INTS1: variants seen among roughly 807,000 people sequenced by gnomAD.
The protein encoded by INTS1 is integrator complex subunit 1.
INTS1 carries 137 observed loss-of-function variants against 241.6 expected under a neutral mutation model. That is an observed-to-expected ratio of 0.57 (90% CI 0.49 to 0.65). The LOEUF (loss-of-function observed/expected upper bound fraction) is 0.65, where lower values mean the gene tolerates loss of function less well. Ranked by LOEUF, INTS1 falls within the 30% of genes least tolerant of loss-of-function variation. The pLI is 0.00. For missense variants in INTS1, 3,073 were observed against 3,032.2 expected (o/e 1.01, Z -0.32); for synonymous variants, 1,692 against 1,337.8 (o/e 1.26, Z -5.78).
chr7:1,483,983 G>C lies in INTS1; in HGVS notation c.3429+20C>G. The C allele has an allele frequency of 6.2e-7, 1 of 1,600,014 alleles. No homozygotes were observed. Among genetic ancestry groups the C allele is most frequent in the East Asian group, 2.2e-5 (1 of 44,542 alleles). On this transcript the variant is annotated intron_variant, in intron 25 of 47. Transcript: ENST00000404767. ...TAGACCTCCTCGCCCTCACCCGGCC[G>C]TAGACCTCCTCGCCCTCACCCAGCT... is the stretch of plus-strand genomic sequence containing the variant.
At chr7:1,488,588 G>A (rs949809748) in intron 18 of INTS1, among the ~76,000 whole-genome samples, 1 of 151,974 alleles carries the variant, frequency 6.6e-6, no homozygotes, top group African/African-American at 2.4e-5. Flanking sequence ...AGTCCTCACA[G>A]TGCAACGGCC....
intron 39 of INTS1, 140 bp from the exon 40 acceptor site, chr7:1,474,978 T>C (rs1001026095): frequency 2.6e-6 from 3 of 1,163,452 alleles, no homozygotes; most frequent in Non-Finnish European, 3.5e-6. Flanking sequence ...ACGGCTTCCA[T>C]GAGCACCTCG....
At position 1,481,809 on chromosome 7, in the gene INTS1, C is replaced by T. The variant is rs1782012413; in HGVS notation, c.3704-321G>A. On this transcript the variant is annotated intron_variant, in intron 27 of 47. Coordinates refer to ENST00000404767, the MANE Select transcript of INTS1 (RefSeq NM_001080453.3). This position sits in a 1 kb window ranked among gnomAD's most constrained non-coding sequence, Gnocchi z 6.8. ...GCCACGTGGGCTCGGTGACCCCACC[C>T]GAGACCTGGGGCCGCACAAGGGGGC... 6.6e-6 allele frequency among the ~76,000 whole-genome samples: 1 copy of T among 152,172 alleles called. No homozygotes were observed. Among genetic ancestry groups the T allele is most frequent in the African/African-American group, 2.4e-5 (1 of 41,518 alleles).
At chr7:1,478,239 T>TAG (rs1335543902) in intron 33 of INTS1, 127 bp downstream of exon 33, 6 of 1,090,588 alleles carry the variant, frequency 5.5e-6, no homozygotes, top group Non-Finnish European at 7.9e-6. Context: ...AGGGGACCTC[T>TAG]GTGGGCACTT....
At chr7:1,487,199 G>A in intron 20 of INTS1, 98 bp from the exon 21 acceptor site, 1 of 1,504,686 alleles carries the variant, frequency 6.6e-7, no homozygotes, top group Admixed American at 2.0e-5. Context: ...GCGACACGCA[G>A]CAGCCAGCTC....
At chr7:1,496,752 C>A (rs539813970) in intron 11 of INTS1, among the ~76,000 whole-genome samples, 2 of 152,276 alleles carry the variant, frequency 1.3e-5, no homozygotes, top group South Asian at 2.1e-4. Flanking sequence ...AGGGACCTGG[C>A]ATCTCTGTGA....
rs779532821 is a variant in INTS1 at position 1,497,638 on chromosome 7, G to A, written c.1426-324C>T. Among the ~76,000 whole-genome samples, 3 of 152,224 alleles carry A rather than the reference G, an allele frequency of 2.0e-5. No individual in the cohort carries two copies. The highest frequency in any genetic ancestry group is 2.1e-4 in the South Asian group (1 of 4,836). On this transcript the variant is annotated intron_variant, in intron 10 of 47. Coordinates refer to ENST00000404767, the MANE Select transcript of INTS1 (RefSeq NM_001080453.3). This position sits in a 1 kb window ranked among gnomAD's most constrained non-coding sequence, Gnocchi z 5.3. ...GTGTGCCATCTCAGCCCACCCGTGCGCCACGGGCTGAACGGAAACCAAAGG... is the reference window on the plus strand; with the variant it reads ...GTGTGCCATCTCAGCCCACCCGTGCACCACGGGCTGAACGGAAACCAAAGG...
rs1240761013 is a variant in INTS1 at position 1,476,032 on chromosome 7, G to A, written c.5418C>T (p.Leu1806=). 5 of 1,545,716 alleles carry A rather than the reference G, an allele frequency of 3.2e-6. No homozygotes were observed. The highest frequency in any genetic ancestry group is 3.5e-6 in the Non-Finnish European group (4 of 1,146,632). The stretch of plus-strand genomic sequence containing the variant: ...CCCGCAGCTCCGGCCGCTGTAGGTA[G>A]AGCTGCAGGAGAAGGTCTCGGCAGC... The part of the protein sequence containing the change: ...GRRCRDLLLQ[L]YLQRPELRVP... The change falls in exon 39 of 48, where the codon CTC becomes CTT. Residue 1806 remains leucine (L), a synonymous_variant. Transcript: ENST00000404767.
Position 1,499,127 on chromosome 7 carries a change from C to T in INTS1, c.985G>A (p.Val329Ile). 2 of 1,611,634 alleles carry T rather than the reference C, an allele frequency of 1.2e-6. No individual in the cohort carries two copies. Among genetic ancestry groups the T allele is most frequent in the Non-Finnish European group, 1.7e-6 (2 of 1,179,590 alleles). ...AGCTGGTCCCGCAGCATGTCCAGGA[C>T]ATACTCCTCCACGCTCTCCGCGAGC... ...EELAESVEEY[V>I]LDMLRDQLNR... Residue 329 changes from valine to isoleucine, a missense_variant, in exon 8 of 48, where the codon GTC (valine) becomes ATC (isoleucine). Val to Ile is a conservative substitution (Grantham distance 29). Transcript: ENST00000404767.
chr7:1,474,619 T>C, intron 40 of INTS1, 86 bp downstream of exon 40: 1 of 1,459,302 alleles, frequency 6.9e-7, no homozygotes, highest in Non-Finnish European at 9.1e-7. Flanking sequence ...GTTTTTGGAG[T>C]TTTGCTCTTG....
intron 12 of INTS1, among the ~76,000 whole-genome samples, chr7:1,495,814 G>A (rs918681134): frequency 6.6e-6 from 1 of 152,166 alleles, no homozygotes; most frequent in African/African-American, 2.4e-5. Context: ...CAGCCTTCCT[G>A]TGAACCCATA....
At chr7:1,475,919 G>A (rs762277801) in intron 39 of INTS1, 29 bp downstream of exon 39, 60 of 1,523,950 alleles carry the variant, frequency 3.9e-5, no homozygotes, top group South Asian at 2.3e-4. Context: ...CTGGGACGGC[G>A]GCGGGGAGCG....
Position 1,477,941 on chromosome 7 carries a change from G to A in INTS1, c.4631-5C>T, listed in dbSNP as rs895909273. On this transcript the variant is annotated splice_polypyrimidine_tract_variant and splice_region_variant and intron_variant, in intron 33 of 47. Transcript: ENST00000404767. ...CCTCGATCAGCCCCTGGAGGACTGC[G>A]CAAGGGACAAAGAGACATGTGGGTC... is the stretch of plus-strand genomic sequence containing the variant. The A allele has an allele frequency of 1.5e-5, 24 of 1,612,036 alleles. No individual in the cohort carries two copies. The highest frequency in any genetic ancestry group is 9.9e-5 in the South Asian group (9 of 91,070).
rs534981248 is a variant in INTS1, at chr7:1,474,335, G to A, written c.5662C>T (p.Leu1888=). 3.2e-5 allele frequency: 51 copies of A among 1,603,126 alleles called. No individual in the cohort carries two copies. Among genetic ancestry groups the A allele is most frequent in the Non-Finnish European group, 4.3e-5 (50 of 1,176,426 alleles). The change falls in exon 41 of 48, where the codon CTG becomes TTG. Residue 1888 remains leucine (L), a synonymous_variant. Transcript: ENST00000404767. The part of the protein sequence containing the change: ...LRHLPMIAAL[L]HGRTHLNFQE... ...AAGTTGAGGTGGGTGCGGCCGTGCA[G>A]GAGCGCCGCGATCATGGGCAGGTGC...
intron 3 of INTS1, among the ~76,000 whole-genome samples, chr7:1,501,626 G>A (rs371393155): frequency 1.7e-4 from 26 of 152,052 alleles, no homozygotes; most frequent in Admixed American, 3.9e-4. Flanking sequence ...ATAAAGCACC[G>A]AGCCGCCGGC....
intron 30 of INTS1, among the ~76,000 whole-genome samples, chr7:1,479,968 G>C (rs1348249846): frequency 6.6e-6 from 1 of 152,244 alleles, no homozygotes; most frequent in Non-Finnish European, 1.5e-5. Context: ...GAGGCCTGCA[G>C]GATCCCCGGC....
Position 1,479,684 on chromosome 7 carries a change from T to C in INTS1, c.4075A>G (p.Ile1359Val). 6.8e-7 allele frequency: 1 copy of C among 1,461,082 alleles called. No homozygotes were observed. The allele number at this position is 1,461,082 out of a possible 1,614,324, so 90.5% of individuals were successfully genotyped here. A position where few individuals can be genotyped will look rare whatever the true frequency, so the allele number is the denominator to read the frequency against. Residue 1359 changes from isoleucine to valine, a missense_variant and splice_region_variant, in exon 31 of 48, where the codon ATT (isoleucine) becomes GTT (valine). Coordinates refer to ENST00000404767, the MANE Select transcript of INTS1 (RefSeq NM_001080453.3). ...EDDLAGMFLQIFPLSPDPRWQ... is the reference protein window; with the variant it reads ...EDDLAGMFLQVFPLSPDPRWQ... ...CGAGGGTCCGGGCTGAGCGGGAAAA[T>C]CTGGAACGGGGAAGGCCAGTGTCAG...
Position 1,477,401 on chromosome 7 carries a change from T to A in INTS1, c.4938+149A>T, listed in dbSNP as rs376710045. 1.6e-4 allele frequency: 141 copies of A among 902,476 alleles called. 1 individual carries two copies. The East Asian group carries it at 3.4e-3, about 22-fold the overall frequency. The allele number at this position is 902,476 out of a possible 1,614,324, so 55.9% of individuals were successfully genotyped here. On this transcript the variant is annotated intron_variant, in intron 35 of 47. Coordinates refer to ENST00000404767, the MANE Select transcript of INTS1 (RefSeq NM_001080453.3). ...GGGCCATTGGGGGACCTACCCTTCC[T>A]CTGGGTTGCTACAGGGACACATGGC... is the stretch of plus-strand genomic sequence containing the variant.
chr7:1,491,501 GAATT>G (rs1293071155), intron 16 of INTS1, among the ~76,000 whole-genome samples: 3 of 152,308 alleles, frequency 2.0e-5, no homozygotes, highest in Non-Finnish European at 4.4e-5. Context: ...AGAAAACACA[GAATT>G]AAATCTCCAC....
Sources: allele counts gnomAD v4.1 joint callset (sites outside exome capture counted in the v4.1 genomes callset), GRCh38; gene constraint gnomAD v4.1.1; non-coding constraint Gnocchi (gnomAD v3.1); transcripts MANE v1.5; gene names NCBI Gene and HGNC (gene_info 2026-07-23, HGNC 2026-07-21).